The following PALM2AKAP2 variants were observed in gnomAD, a reference collection of about 807,000 sequenced individuals.
The protein encoded by PALM2AKAP2 is PALM2 and AKAP2 fusion.
In PALM2AKAP2, 37 loss-of-function variants were observed where a neutral mutation model predicts 71.5. That is an observed-to-expected ratio of 0.52 (90% CI 0.40 to 0.68). The LOEUF (loss-of-function observed/expected upper bound fraction) is 0.68, where lower values mean the gene tolerates loss of function less well. PALM2AKAP2 is among the 30% of genes least tolerant of loss of function. The pLI, the probability that PALM2AKAP2 is intolerant of heterozygous loss-of-function variation, is 0.00. For synonymous variants in PALM2AKAP2, 468 were observed against 478.8 expected, an observed-to-expected ratio of 0.98 and a Z score of 0.29; for missense variants, 1,224 against 1,191.8, an observed-to-expected ratio of 1.03 and a Z score of -0.40.
At position 109,818,018 on chromosome 9, in the gene PALM2AKAP2, A is replaced by G. The variant is rs1470708139; in HGVS notation, c.45+37485A>G. 2.0e-5 allele frequency among the ~76,000 whole-genome samples: 3 copies of G among 152,240 alleles called. No homozygotes were observed. In the East Asian group the frequency reaches 5.8e-4, roughly 29 times the overall value. On this transcript the variant is annotated intron_variant, in intron 1 of 9. Coordinates refer to the PALM2AKAP2 transcript ENST00000302798. ...ATGCGCTGATAACTGAGTTACATTA[A>G]GCGCAGTCTTCCCAGCTGTCTGAGG...
chr9:109,982,090 G>A (rs188607612), intron 6 of PALM2AKAP2, among the ~76,000 whole-genome samples: 11 of 152,176 alleles, frequency 7.2e-5, no homozygotes, highest in Admixed American at 1.3e-4. Context: ...AATGTGGTAC[G>A]TGTACACAAT....
At chr9:110,074,390 C>T (rs1156344553) in intron 1 of PALM2AKAP2, among the ~76,000 whole-genome samples, 1 of 152,068 alleles carries the variant, frequency 6.6e-6, no homozygotes, top group Admixed American at 6.5e-5. Context: ...TTGAAGGAGA[C>T]TAGAGACATG....
intron 1 of PALM2AKAP2, among the ~76,000 whole-genome samples, chr9:109,863,140 G>T (rs1024443270): frequency 2.0e-5 from 3 of 152,160 alleles, no homozygotes; most frequent in Non-Finnish European, 4.4e-5. Context: ...ATGGATGCAG[G>T]GAGACTAATA....
intron 6 of PALM2AKAP2, among the ~76,000 whole-genome samples, chr9:110,014,676 G>C (rs1366195822): frequency 6.7e-6 from 1 of 149,818 alleles, no homozygotes; most frequent in South Asian, 2.1e-4. Context: ...GGGAGGCTGA[G>C]GCCAGAGAAT....
chr9:110,096,691 C>T (rs1228623503), intron 1 of PALM2AKAP2, among the ~76,000 whole-genome samples: 1 of 150,294 alleles, frequency 6.7e-6, no homozygotes, highest in Non-Finnish European at 1.5e-5. Flanking sequence ...AAGATGTGTC[C>T]AAAATGAGGA....
At chr9:110,141,561 C>G in intron 2 of PALM2AKAP2, among the ~76,000 whole-genome samples, 1 of 152,290 alleles carries the variant, frequency 6.6e-6, no homozygotes, top group South Asian at 2.1e-4. Context: ...AGTTCATGAT[C>G]GGGGAGAAGG....
chr9:109,684,653 A>G (rs1053237863), intron 1 of PALM2AKAP2, among the ~76,000 whole-genome samples: 8 of 152,232 alleles, frequency 5.3e-5, no homozygotes, highest in African/African-American at 1.9e-4. Flanking sequence ...TCATAAATGA[A>G]TTACTTAAAA....
intron 1 of PALM2AKAP2, among the ~76,000 whole-genome samples, chr9:109,713,395 C>A (rs748150155): frequency 6.6e-6 from 1 of 152,098 alleles, no homozygotes; most frequent in Non-Finnish European, 1.5e-5. Flanking sequence ...TTTTAGATAG[C>A]ACATGCATGA....
chr9:109,919,652 T>C lies in PALM2AKAP2; in HGVS notation c.258-4083T>C, dbSNP rs187838493. On this transcript the variant is annotated intron_variant, in intron 3 of 9. Coordinates refer to the PALM2AKAP2 transcript ENST00000302798. ...ATACATTAACACACATATAAATATATGTGTATATATATTATATAACTGGCA... is the reference window on the plus strand; with the variant it reads ...ATACATTAACACACATATAAATATACGTGTATATATATTATATAACTGGCA... Among the ~76,000 whole-genome samples, 1,094 of 151,874 alleles carry C rather than the reference T, an allele frequency of 7.2e-3. 14 individuals carry two copies. Among genetic ancestry groups the C allele is most frequent in the African/African-American group, 0.025 (1,040 of 41,462 alleles).
intron 6 of PALM2AKAP2, among the ~76,000 whole-genome samples, chr9:109,980,744 G>A (rs966488287): frequency 3.9e-5 from 6 of 152,232 alleles, no homozygotes; most frequent in African/African-American, 1.4e-4. Flanking sequence ...ATGGGCTGGA[G>A]CTGCCACATA....
At chr9:110,053,619 C>T (rs1833764413) in intron 1 of PALM2AKAP2, among the ~76,000 whole-genome samples, 1 of 151,044 alleles carries the variant, frequency 6.6e-6, no homozygotes, top group African/African-American at 2.4e-5. Context: ...ATCTTGGTGA[C>T]AGTTTCAGAG....
At chr9:109,950,699 TC>T (rs963831052) in intron 6 of PALM2AKAP2, among the ~76,000 whole-genome samples, 20 of 152,202 alleles carry the variant, frequency 1.3e-4, no homozygotes, top group African/African-American at 4.8e-4. Context: ...CCCCTCTGGT[TC>T]CCATGCAAAT....
intron 3 of PALM2AKAP2, among the ~76,000 whole-genome samples, chr9:109,887,242 C>G (rs1829986158): frequency 1.3e-5 from 2 of 152,248 alleles, no homozygotes; most frequent in Non-Finnish European, 1.5e-5. Context: ...AAGGCAACCA[C>G]TGAAACATTC....
intron 1 of PALM2AKAP2, among the ~76,000 whole-genome samples, chr9:109,799,554 C>G (rs1827359879): frequency 6.6e-6 from 1 of 152,134 alleles, no homozygotes; most frequent in Non-Finnish European, 1.5e-5. Flanking sequence ...AGTGCAGTGG[C>G]ACGACCATTA....
intron 6 of PALM2AKAP2, among the ~76,000 whole-genome samples, chr9:110,000,726 C>T (rs1292816918): frequency 6.6e-6 from 1 of 152,192 alleles, no homozygotes; most frequent in Non-Finnish European, 1.5e-5. Flanking sequence ...GAGATGGTAT[C>T]TCATTGTAGT....
At chr9:110,049,378 G>A (rs927039299) in intron 1 of PALM2AKAP2, among the ~76,000 whole-genome samples, 12 of 152,120 alleles carry the variant, frequency 7.9e-5, no homozygotes, top group African/African-American at 2.7e-4. Flanking sequence ...AGGGAGGGCC[G>A]GGCCCCGGCC....
intron 6 of PALM2AKAP2, among the ~76,000 whole-genome samples, chr9:109,972,905 C>G (rs944829010): frequency 6.6e-6 from 1 of 152,212 alleles, no homozygotes; most frequent in Admixed American, 6.5e-5. Context: ...TCTGGTTTCT[C>G]TTCAGATCAT....
intron 6 of PALM2AKAP2, among the ~76,000 whole-genome samples, chr9:109,996,992 C>CA (rs1425550801): frequency 6.6e-6 from 1 of 152,116 alleles, no homozygotes; most frequent in African/African-American, 2.4e-5. Context: ...AGTTCAAGAC[C>CA]AGCCTGGCGA....
At chr9:109,986,736 C>T (rs1832385699) in intron 6 of PALM2AKAP2, among the ~76,000 whole-genome samples, 1 of 152,150 alleles carries the variant, frequency 6.6e-6, no homozygotes, top group South Asian at 2.1e-4. Context: ...TCCTTGAAGT[C>T]TGTGTGTTTC....
Sources: allele counts gnomAD v4.1 joint callset (sites outside exome capture counted in the v4.1 genomes callset), GRCh38; gene constraint gnomAD v4.1.1; transcripts MANE v1.5; gene names NCBI Gene and HGNC (gene_info 2026-07-23, HGNC 2026-07-21).